Variants in EYS observed in about 807,000 individuals in gnomAD.
The protein encoded by EYS is protein eyes shut homolog.
EYS carries 250 observed loss-of-function variants against 282.1 expected under a neutral mutation model. The ratio of observed to expected loss-of-function variants is 0.89; its 90% confidence interval spans 0.80 to 0.98. The LOEUF is 0.98. Ranked by LOEUF, EYS falls within the 50% of genes least tolerant of loss-of-function variation. The pLI is 0.00. For synonymous variants in EYS, 1,355 were observed against 1,282.9 expected (o/e 1.06, Z -1.20); for missense variants, 4,016 against 3,709.0 (o/e 1.08, Z -2.15).
intron 12 of EYS, among the ~76,000 whole-genome samples, chr6:65,070,553 G>A (rs753909587): frequency 2.0e-5 from 3 of 151,422 alleles, no homozygotes; most frequent in Admixed American, 6.6e-5. Context: ...GTACACTGTA[G>A]GTTATATCAT....
chr6:65,455,409 G>C (rs1196694814), intron 5 of EYS, among the ~76,000 whole-genome samples: 1 of 151,688 alleles, frequency 6.6e-6, no homozygotes, highest in African/African-American at 2.4e-5. Context: ...GAATCTTTAA[G>C]GTTTTCTATA....
intron 35 of EYS, among the ~76,000 whole-genome samples, chr6:63,979,849 A>C (rs969841190): frequency 1.3e-5 from 2 of 151,912 alleles, no homozygotes; most frequent in African/African-American, 4.8e-5. Flanking sequence ...ACAAAATGAA[A>C]AAAGATTGGA....
intron 40 of EYS, among the ~76,000 whole-genome samples, chr6:63,769,424 T>C (rs1769877999): frequency 6.6e-6 from 1 of 152,056 alleles, no homozygotes; most frequent in Non-Finnish European, 1.5e-5. Flanking sequence ...CTAAGACTAC[T>C]TAAATTATAC....
chr6:64,665,694 C>T (rs1769206828), intron 22 of EYS, among the ~76,000 whole-genome samples: 1 of 152,190 alleles, frequency 6.6e-6, no homozygotes, highest in Non-Finnish European at 1.5e-5. Flanking sequence ...CCAATTGTCA[C>T]GTTTTCACTT....
rs190786757 is a variant in EYS, at chr6:64,130,902, C to T, written c.6425-48900G>A. On this transcript the variant is annotated intron_variant, in intron 31 of 42. Coordinates refer to ENST00000503581, the MANE Select transcript of EYS (RefSeq NM_001142800.2). ...TTTATTTTTGAGAAGGAGTCTCGCT[C>T]TGTCTCCCAGGCTGGAGTGAAGTGG... 3.6e-3 allele frequency among the ~76,000 whole-genome samples: 554 copies of T among 152,286 alleles called. 7 individuals are homozygous for T. Among genetic ancestry groups the T allele is most frequent in the African/African-American group, 0.012 (515 of 41,550 alleles).
chr6:65,332,801 T>A (rs1432288591), intron 11 of EYS, among the ~76,000 whole-genome samples: 1 of 151,472 alleles, frequency 6.6e-6, no homozygotes, highest in Non-Finnish European at 1.5e-5. Context: ...GTTTGTTTAA[T>A]TACTGATTCA....
chr6:64,861,623 G>A (rs981028971), intron 19 of EYS, among the ~76,000 whole-genome samples: 1 of 152,066 alleles, frequency 6.6e-6, no homozygotes, highest in African/African-American at 2.4e-5. Flanking sequence ...AAAAGGGCAG[G>A]GCTTCCACCT....
At chr6:65,245,957 A>G (rs576932761) in intron 12 of EYS, among the ~76,000 whole-genome samples, 1 of 152,192 alleles carries the variant, frequency 6.6e-6, no homozygotes, top group East Asian at 1.9e-4. Flanking sequence ...TGCCCTTGAC[A>G]TAACTGGAAC....
chr6:64,397,600 G>A (rs995930409), intron 28 of EYS, among the ~76,000 whole-genome samples: 10 of 151,804 alleles, frequency 6.6e-5, no homozygotes, highest in African/African-American at 2.4e-4. Context: ...TATTGGTATT[G>A]GTTTTGGAAC....
chr6:64,547,496 T>G (rs1212944753), intron 26 of EYS, among the ~76,000 whole-genome samples: 2 of 151,924 alleles, frequency 1.3e-5, no homozygotes, highest in Non-Finnish European at 2.9e-5. Context: ...AGATACAGAG[T>G]GTCGATTGGT....
chr6:65,110,219 T>C (rs1185325972), intron 12 of EYS, among the ~76,000 whole-genome samples: 1 of 152,164 alleles, frequency 6.6e-6, no homozygotes, highest in Non-Finnish European at 1.5e-5. Flanking sequence ...CTGTTCTCTT[T>C]TCATTCCGTT....
At chr6:65,358,517 A>C (rs1339994529) in intron 8 of EYS, among the ~76,000 whole-genome samples, 1 of 151,522 alleles carries the variant, frequency 6.6e-6, no homozygotes, top group Non-Finnish European at 1.5e-5. Flanking sequence ...TTTATTTCTG[A>C]AATTAAGGAG....
chr6:64,365,401 A>T (rs1772153363), intron 29 of EYS, among the ~76,000 whole-genome samples: 1 of 152,004 alleles, frequency 6.6e-6, no homozygotes, highest in Admixed American at 6.6e-5. Context: ...CAACTAGAAC[A>T]TCACCATAGG....
At chr6:64,887,275 T>G (rs549203947) in intron 18 of EYS, among the ~76,000 whole-genome samples, 1 of 101,232 alleles carries the variant, frequency 9.9e-6, no homozygotes, top group Non-Finnish European at 1.9e-5. Context: ...CACCGGGGAC[T>G]GTTGTGGGGT....
intron 35 of EYS, among the ~76,000 whole-genome samples, chr6:63,960,721 G>A (rs899452659): frequency 6.6e-5 from 10 of 152,322 alleles, no homozygotes; most frequent in African/African-American, 1.2e-4. Context: ...AGGACTTGCC[G>A]AAGGCTTAAA....
At chr6:65,696,323 T>C (rs1336197553) in intron 1 of EYS, among the ~76,000 whole-genome samples, 7 of 152,048 alleles carry the variant, frequency 4.6e-5, no homozygotes, top group African/African-American at 1.7e-4. Flanking sequence ...TGGTTAAAAA[T>C]GTAAACTGAT....
chr6:63,898,127 T>C (rs1773577776), intron 35 of EYS, among the ~76,000 whole-genome samples: 1 of 152,224 alleles, frequency 6.6e-6, no homozygotes. Context: ...ATCTTGTCCC[T>C]AATAACGATT....
At chr6:64,906,436 T>C (rs1401622837) in intron 16 of EYS, among the ~76,000 whole-genome samples, 1 of 152,200 alleles carries the variant, frequency 6.6e-6, no homozygotes, top group African/African-American at 2.4e-5. Flanking sequence ...TGTTTTTAAT[T>C]GTCAACAGGA....
At chr6:65,705,826 A>C (rs1488605107) in intron 1 of EYS, among the ~76,000 whole-genome samples, 2 of 152,124 alleles carry the variant, frequency 1.3e-5, no homozygotes, top group Non-Finnish European at 2.9e-5. Flanking sequence ...TAAAACTATT[A>C]AGTTAAAAAC....
Sources: allele counts gnomAD v4.1 joint callset (sites outside exome capture counted in the v4.1 genomes callset), GRCh38; gene constraint gnomAD v4.1.1; transcripts MANE v1.5; gene names NCBI Gene and HGNC (gene_info 2026-07-23, HGNC 2026-07-21).